CDYL: variants seen among roughly 807,000 people sequenced by gnomAD.
CDYL encodes the protein chromodomain Y-like protein.
Under a neutral mutation model 47.3 loss-of-function variants are expected in CDYL, and 8 were observed. The ratio of observed to expected loss-of-function variants is 0.17; its 90% CI spans 0.10 to 0.31. CDYL has a LOEUF of 0.31. Among genes scored for constraint, CDYL ranks in the 10% least tolerant of loss-of-function variants. The pLI is 1.00. For synonymous variants in CDYL, 266 were observed against 265.0 expected (o/e 1.00, Z -0.04); for missense variants, 471 against 701.4 (o/e 0.67, Z 3.71).
chr6:4,733,851 C>CTTTT (rs3054896), intron 2 of CDYL, among the ~76,000 whole-genome samples: 1 of 131,918 alleles, frequency 7.6e-6, no homozygotes, highest in Non-Finnish European at 1.6e-5. Flanking sequence ...TTTTCTTCTT[C>CTTTT]TTTTTTTTTT....
intron 2 of CDYL, among the ~76,000 whole-genome samples, chr6:4,916,839 T>C (rs1284437685): frequency 2.0e-5 from 3 of 152,208 alleles, no homozygotes; most frequent in African/African-American, 7.2e-5. Context: ...GATCCCCTCA[T>C]GCTGGGCAGG....
At chr6:4,889,188 G>A (rs1022905915) in intron 1 of CDYL, among the ~76,000 whole-genome samples, 11 of 152,162 alleles carry the variant, frequency 7.2e-5, no homozygotes, top group African/African-American at 2.4e-4. Flanking sequence ...AGCTATGGCT[G>A]CCTGCCGGTT....
intron 2 of CDYL, among the ~76,000 whole-genome samples, chr6:4,721,415 C>T (rs955461283): frequency 1.3e-5 from 2 of 152,082 alleles, no homozygotes; most frequent in Non-Finnish European, 2.9e-5. Context: ...CAGAGTCTTG[C>T]ACTGTCACCC....
At chr6:4,837,805 G>T (rs1010343911) in intron 1 of CDYL, among the ~76,000 whole-genome samples, 28 of 151,794 alleles carry the variant, frequency 1.8e-4, no homozygotes, top group African/African-American at 5.6e-4. Context: ...ACAGAGTCTT[G>T]CTCTGTCGCC....
At chr6:4,947,919 G>A (rs1758579823) in intron 5 of CDYL, among the ~76,000 whole-genome samples, 1 of 152,146 alleles carries the variant, frequency 6.6e-6, no homozygotes, top group African/African-American at 2.4e-5. Flanking sequence ...GTTGCCTGCT[G>A]ACAGCACTTC....
chr6:4,735,958 A>G (rs911107422), intron 3 of CDYL, among the ~76,000 whole-genome samples: 2 of 151,914 alleles, frequency 1.3e-5, no homozygotes, highest in African/African-American at 4.8e-5. Context: ...CTCTTGGTAA[A>G]TGCTCAAGTA....
At chr6:4,893,490 C>G (rs540651925) in intron 2 of CDYL, among the ~76,000 whole-genome samples, 3 of 152,150 alleles carry the variant, frequency 2.0e-5, no homozygotes, top group African/African-American at 7.2e-5. Flanking sequence ...GTCAGGAGTT[C>G]GAGACCAGCC....
upstream of CDYL, among the ~76,000 whole-genome samples, chr6:4,771,512 G>GA (rs919763674): frequency 8.6e-5 from 13 of 151,954 alleles, no homozygotes; most frequent in African/African-American, 2.4e-4. Flanking sequence ...ACTAGTGATT[G>GA]AAAAAAAATC....
chr6:4,814,101 C>G (rs1441600099), intron 1 of CDYL, among the ~76,000 whole-genome samples: 1 of 152,128 alleles, frequency 6.6e-6, no homozygotes, highest in African/African-American at 2.4e-5. Context: ...TTTCTAATAA[C>G]AATGAACTTT....
intron 1 of CDYL, among the ~76,000 whole-genome samples, chr6:4,709,493 G>A (rs1267328060): frequency 6.6e-6 from 1 of 152,112 alleles, no homozygotes; most frequent in East Asian, 1.9e-4. Flanking sequence ...ATTGCACCCA[G>A]CCGCCCCCAG....
At chr6:4,717,655 T>C (rs116800577) in intron 2 of CDYL, among the ~76,000 whole-genome samples, 66 of 124,130 alleles carry the variant, frequency 5.3e-4, no homozygotes, top group African/African-American at 1.7e-3. Context: ...CAGTGAGCTA[T>C]GATCAGGTCA....
chr6:4,897,411 A>G (rs534424771), intron 2 of CDYL, among the ~76,000 whole-genome samples: 9 of 152,320 alleles, frequency 5.9e-5, no homozygotes, highest in Admixed American at 5.2e-4. Flanking sequence ...CCTAAGAGAA[A>G]GTGTTGAGGA....
chr6:4,800,093 T>G (rs1759182018), intron 1 of CDYL, among the ~76,000 whole-genome samples: 1 of 152,172 alleles, frequency 6.6e-6, no homozygotes, highest in Non-Finnish European at 1.5e-5. Context: ...GTTCTTGCCT[T>G]TTTAAAATAA....
intron 1 of CDYL, among the ~76,000 whole-genome samples, chr6:4,783,609 G>A (rs572638675): frequency 7.9e-5 from 12 of 151,934 alleles, no homozygotes; most frequent in African/African-American, 2.7e-4. Flanking sequence ...TAGAGATGGG[G>A]TTTCACCATG....
At chr6:4,724,679 C>T (rs1327095945) in intron 2 of CDYL, 1 of 152,160 alleles carries the variant, frequency 6.6e-6, no homozygotes, top group Non-Finnish European at 1.5e-5. Flanking sequence ...AGTGTTACAG[C>T]TCTTAATGCA....
chr6:4,889,089 C>G (rs1425746813), intron 1 of CDYL, among the ~76,000 whole-genome samples: 2 of 152,162 alleles, frequency 1.3e-5, no homozygotes, highest in African/African-American at 4.8e-5. Context: ...GTCAGACTTG[C>G]ATAATGTTTC....
intron 1 of CDYL, among the ~76,000 whole-genome samples, chr6:4,813,652 GT>G (rs1759588548): frequency 6.6e-6 from 1 of 152,124 alleles, no homozygotes; most frequent in African/African-American, 2.4e-5. Context: ...TGCTGTTCTG[GT>G]TTTATTTTAT....
At chr6:4,923,757 C>T (rs1376756307) in intron 2 of CDYL, among the ~76,000 whole-genome samples, 2 of 151,998 alleles carry the variant, frequency 1.3e-5, no homozygotes, top group African/African-American at 2.4e-5. Flanking sequence ...AAAAATTAGC[C>T]AGGCATGGTG....
intron 2 of CDYL, among the ~76,000 whole-genome samples, chr6:4,928,303 A>G (rs960974086): frequency 6.6e-6 from 1 of 152,040 alleles, no homozygotes; most frequent in Non-Finnish European, 1.5e-5. Flanking sequence ...TATGTTTCTT[A>G]GTACAATTTG....
Sources: gnomAD v4.1 joint callset for allele counts (sites outside exome capture counted in the v4.1 genomes callset) on GRCh38, gnomAD v4.1.1 for gene constraint, MANE v1.5 for transcripts, NCBI Gene and HGNC (gene_info 2026-07-23, HGNC 2026-07-21) for gene names.